Variants in GID4 observed in about 807,000 individuals in gnomAD.
GID4 encodes glucose-induced degradation protein 4 homolog.
GID4 carries 7 observed loss-of-function variants against 32.4 expected under a neutral mutation model. That is an observed-to-expected ratio of 0.22 (90% CI 0.12 to 0.41). The LOEUF is 0.41. Among genes scored for constraint, GID4 ranks in the 10% least tolerant of loss-of-function variants. The pLI, the probability that GID4 is intolerant of heterozygous loss-of-function variation, is 1.00. For missense variants in GID4, 309 were observed against 400.0 expected, an observed-to-expected ratio of 0.77 and a Z score of 1.94; for synonymous variants, 166 against 170.0, an observed-to-expected ratio of 0.98 and a Z score of 0.18.
chr17:18,043,368 T>C (rs1007288159), intron 1 of GID4, among the ~76,000 whole-genome samples: 1 of 152,236 alleles, frequency 6.6e-6, no homozygotes, highest in South Asian at 2.1e-4. Context: ...TTTAATCTTA[T>C]TAGCAAGTAT....
intron 4 of GID4, among the ~76,000 whole-genome samples, chr17:18,059,756 T>C (rs914172596): frequency 2.0e-5 from 3 of 152,120 alleles, no homozygotes; most frequent in African/African-American, 7.2e-5. Context: ...TGAGTTGCCT[T>C]TCCTGGTCTT....
intron 5 of GID4, 107 bp downstream of exon 5, chr17:18,062,082 T>A (rs541821726): frequency 9.2e-7 from 1 of 1,086,998 alleles, no homozygotes; most frequent in South Asian, 1.3e-5. Context: ...TCTGTATAGA[T>A]TCTGTGCTTT....
At position 18,057,993 on chromosome 17, in the gene GID4, C is replaced by A. The variant is rs376417418; in HGVS notation, c.607-875C>A. Among the ~76,000 whole-genome samples, 6 of 152,254 alleles carry A rather than the reference C, an allele frequency of 3.9e-5. No individual in the cohort carries two copies. The East Asian group carries it at 9.7e-4, about 25-fold the overall frequency. Reference sequence around the variant, plus strand: ...GACTACAGGCGACCACCACCACACCCAACTAATTTTTTCATATTTTTAGTA... The same window carrying A: ...GACTACAGGCGACCACCACCACACCAAACTAATTTTTTCATATTTTTAGTA... On this transcript the variant is annotated intron_variant, in intron 3 of 5. Coordinates refer to ENST00000268719, the MANE Select transcript of GID4 (RefSeq NM_024052.5).
At chr17:18,056,090 A>G (rs1322055991) in intron 3 of GID4, among the ~76,000 whole-genome samples, 1 of 152,130 alleles carries the variant, frequency 6.6e-6, no homozygotes, top group Non-Finnish European at 1.5e-5. Context: ...CCAGGCCTCA[A>G]GTAATCCTCC....
At chr17:18,059,296 T>C (rs1231625133) in intron 4 of GID4, among the ~76,000 whole-genome samples, 1 of 152,200 alleles carries the variant, frequency 6.6e-6, no homozygotes, top group Non-Finnish European at 1.5e-5. Flanking sequence ...AACCCCCAAG[T>C]TGAATCACTC....
At chr17:18,052,766 G>T (rs1470419213) in intron 2 of GID4, among the ~76,000 whole-genome samples, 1 of 152,160 alleles carries the variant, frequency 6.6e-6, no homozygotes, top group Non-Finnish European at 1.5e-5. Context: ...CCAGCACATG[G>T]CTTCTTGCTT....
At chr17:18,060,282 C>T (rs1434219640) in intron 4 of GID4, among the ~76,000 whole-genome samples, 4 of 150,556 alleles carry the variant, frequency 2.7e-5, no homozygotes, top group African/African-American at 7.3e-5. Flanking sequence ...CCTGTAATCC[C>T]AGCTACTCGG....
At chr17:18,063,234 A>G (rs2142155165) in intron 5 of GID4, among the ~76,000 whole-genome samples, 1 of 151,816 alleles carries the variant, frequency 6.6e-6, no homozygotes, top group African/African-American at 2.4e-5. Context: ...ATATGGTGAA[A>G]CCCCGTCTCT....
intron 2 of GID4, among the ~76,000 whole-genome samples, chr17:18,048,097 T>A (rs1776683300): frequency 6.6e-6 from 1 of 151,754 alleles, no homozygotes; most frequent in Admixed American, 6.6e-5. Flanking sequence ...GAGATGGGGT[T>A]TCACCGTGTT....
chr17:18,056,601 A>G (rs1433188943), intron 3 of GID4: 5 of 1,195,224 alleles, frequency 4.2e-6, no homozygotes, highest in Non-Finnish European at 5.8e-6. Context: ...TCCTGCAAAA[A>G]GCAAAGTCTT....
chr17:18,068,285 T>C lies in GID4; in HGVS notation c.*3042T>C, dbSNP rs1597702466. ...CTTGAATGGGCACAAAGTATAAATA[T>C]TTTGTTTCTTTATGGAGGACATGTG... On this transcript the variant is annotated 3_prime_UTR_variant, in exon 6 of 6. Transcript: ENST00000268719. 1 of 152,636 alleles carries C rather than the reference T, an allele frequency of 6.6e-6. No individual in the cohort carries two copies. Among genetic ancestry groups the C allele is most frequent in the South Asian group, 2.1e-4 (1 of 4,838 alleles). The allele number at this position is 152,636 out of a possible 1,614,324, so 9.5% of individuals were successfully genotyped here.
rs1008529318 is a variant in GID4 at position 18,065,712 on chromosome 17, G to T, written c.*469G>T. On this transcript the variant is annotated 3_prime_UTR_variant, in exon 6 of 6. Transcript: ENST00000268719. The stretch of plus-strand genomic sequence containing the variant: ...CCCCAGCACCTCTGTGCCCCCCAGA[G>T]CTCTGTGCAGGGAGTTGGCCAGCTG... 1 of 224,652 alleles carries T rather than the reference G, an allele frequency of 4.5e-6. No individual in the cohort carries two copies. The highest frequency in any genetic ancestry group is 9.0e-6 in the Non-Finnish European group (1 of 111,664). 13.9% of individuals were successfully genotyped at this position (224,652 alleles called of 1,614,324 possible).
Position 18,039,628 on chromosome 17 carries a change from C to G in GID4, c.164C>G (p.Ser55Cys). 8.0e-7 allele frequency: 1 copy of G among 1,253,316 alleles called. No individual in the cohort carries two copies. The highest frequency in any genetic ancestry group is 1.0e-6 in the Non-Finnish European group (1 of 995,382). The allele number at this position is 1,253,316 out of a possible 1,614,324, so 77.6% of individuals were successfully genotyped here. A position where few individuals can be genotyped will look rare whatever the true frequency, so the allele number is the denominator to read the frequency against. The change falls in exon 1 of 6, where the codon TCC becomes TGC. Residue 55 changes from serine (S) to cysteine (C), a missense_variant. Ser to Cys is a moderately radical substitution (Grantham distance 112). Around this residue, in one of 2 missense-constraint regions of GID4, gnomAD observed 193 missense variants for 185.8 expected, o/e 1.04. Coordinates refer to ENST00000268719, the MANE Select transcript of GID4 (RefSeq NM_024052.5). The surrounding 1 kb of genome is among the most constrained non-coding windows in gnomAD (Gnocchi z 5.3). ...PHPARARPGL[S>C]LPATLLGSRA... is the part of the protein sequence containing the mutation. Reference sequence around the variant, plus strand: ...CCCGCGCGTGCGCGCCCCGGCCTCTCCCTCCCCGCCACCCTCCTCGGCTCC... The same window carrying G: ...CCCGCGCGTGCGCGCCCCGGCCTCTGCCTCCCCGCCACCCTCCTCGGCTCC...
intron 3 of GID4, chr17:18,057,213 C>A: frequency 1.5e-6 from 1 of 656,152 alleles, no homozygotes; most frequent in Non-Finnish European, 2.5e-6. Context: ...AGATGGATCA[C>A]CTGAGGTCAG....
At chr17:18,064,256 C>T (rs1466579804) in intron 5 of GID4, among the ~76,000 whole-genome samples, 1 of 152,150 alleles carries the variant, frequency 6.6e-6, no homozygotes, top group Non-Finnish European at 1.5e-5. Context: ...TTTCCCACAG[C>T]AGCTGCACCA....
intron 4 of GID4, among the ~76,000 whole-genome samples, chr17:18,060,128 G>A (rs868330253): frequency 1.3e-5 from 2 of 150,390 alleles, no homozygotes; most frequent in Admixed American, 6.6e-5. Context: ...CACTGGGCGC[G>A]GTGGCTCATG....
intron 2 of GID4, among the ~76,000 whole-genome samples, chr17:18,051,959 A>G (rs1420462017): frequency 6.6e-6 from 1 of 151,436 alleles, no homozygotes; most frequent in Non-Finnish European, 1.5e-5. Flanking sequence ...CTGTAATCCC[A>G]GCTACTTGGG....
intron 1 of GID4, among the ~76,000 whole-genome samples, chr17:18,041,522 T>C (rs1022059961): frequency 6.6e-5 from 10 of 152,200 alleles, no homozygotes; most frequent in Admixed American, 5.9e-4. Context: ...GGCTGAAATA[T>C]TTTTGTCTTC....
Position 18,039,818 on chromosome 17 carries a change from C to T in GID4, c.354C>T (p.Ala118=). Reference sequence around the variant, plus strand: ...TCAACACCCAGCAGCCCGGCGTGGCCACCAGCCTGCTCTACAGCGGCTCCA... The same window carrying T: ...TCAACACCCAGCAGCCCGGCGTGGCTACCAGCCTGCTCTACAGCGGCTCCA... ...PPINTQQPGV[A]TSLLYSGSKF... The change falls in exon 1 of 6, where the codon GCC becomes GCT. Residue 118 remains alanine (A), a synonymous_variant. Transcript: ENST00000268719. This position sits in a 1 kb window ranked among gnomAD's most constrained non-coding sequence, Gnocchi z 5.3. 1.3e-6 allele frequency: 2 copies of T among 1,576,292 alleles called. No homozygotes were observed. Among genetic ancestry groups the T allele is most frequent in the Non-Finnish European group, 1.7e-6 (2 of 1,162,238 alleles).
Sources: allele counts gnomAD v4.1 joint callset (sites outside exome capture counted in the v4.1 genomes callset), GRCh38; gene constraint gnomAD v4.1.1; regional missense constraint gnomAD v4.1.1; non-coding constraint Gnocchi (gnomAD v3.1); transcripts MANE v1.5; gene names NCBI Gene and HGNC (gene_info 2026-07-23, HGNC 2026-07-21).